The following SEC31A variants were observed in gnomAD, a reference collection of about 807,000 sequenced individuals.
SEC31A encodes the protein SEC31 homolog A, COPII component.
SEC31A carries 70 observed loss-of-function variants against 151.0 expected under a neutral mutation model. The observed-to-expected ratio is 0.46, with a 90% CI of 0.38 to 0.57. The LOEUF (loss-of-function observed/expected upper bound fraction) is 0.57. Ranked by LOEUF, SEC31A falls within the 20% of genes least tolerant of loss-of-function variation. The pLI is 0.00. For synonymous variants in SEC31A, 475 were observed against 505.9 expected, an observed-to-expected ratio of 0.94 and a Z score of 0.82; for missense variants, 1,330 against 1,471.2, an observed-to-expected ratio of 0.90 and a Z score of 1.57.
At chr4:82,889,546 C>A (rs78766010) in intron 1 of SEC31A, among the ~76,000 whole-genome samples, 856 of 129,510 alleles carry the variant, frequency 6.6e-3, no homozygotes, top group Middle Eastern at 0.015. Context: ...GACCCTGTCT[C>A]AAAAAAAAAA....
At chr4:82,860,996 G>A (rs1372127628) in intron 14 of SEC31A, among the ~76,000 whole-genome samples, 1 of 151,242 alleles carries the variant, frequency 6.6e-6, no homozygotes, top group Non-Finnish European at 1.5e-5. Flanking sequence ...AGAAGAACTT[G>A]TTGATTAATT....
intron 22 of SEC31A, chr4:82,829,311 A>C: frequency 2.7e-6 from 1 of 372,528 alleles, no homozygotes; most frequent in Non-Finnish European, 4.9e-6. Flanking sequence ...AGAGTGTGCT[A>C]AATTTAGGGT....
At chr4:82,895,784 A>G (rs1720039264), upstream of SEC31A, 1 of 152,254 alleles carries the variant, frequency 6.6e-6, no homozygotes, top group African/African-American at 2.4e-5. Flanking sequence ...CCTAAAACGA[A>G]AAACATTCAA....
chr4:82,892,866 T>C (rs1719892297), upstream of SEC31A: 1 of 152,218 alleles, frequency 6.6e-6, no homozygotes, highest in Admixed American at 6.5e-5. Context: ...TGGTCACTGG[T>C]ATTTATGCAT....
In SEC31A at chr4:82,848,843, G is replaced by T. The variant is rs751137305; in HGVS notation, c.2463C>A (p.His821Gln). The T allele has an allele frequency of 1.9e-6, 3 of 1,613,842 alleles. No individual in the cohort carries two copies. Among genetic ancestry groups the T allele is most frequent in the Non-Finnish European group, 2.5e-6 (3 of 1,179,956 alleles). ...GTTGAGTTTGAACTCTTGGCATCTG[G>T]TGGTGGCCAGCAACTGGTCCAGGCC... is the stretch of plus-strand genomic sequence containing the variant. ...KGRPGPVAGH[H>Q]QMPRVQTQQY... The change falls in exon 20 of 27, where the codon CAC becomes CAA. Residue 821 changes from histidine to glutamine, a missense_variant. Physicochemically the swap from His to Gln is conservative, Grantham distance 24 (BLOSUM62 0). Transcript: ENST00000395310.
Position 82,867,181 on chromosome 4 carries a change from C to A in SEC31A, c.1018G>T (p.Gly340Cys). Residue 340 changes from glycine to cysteine, a missense_variant, in exon 9 of 27, where the codon GGT becomes TGT. Coordinates refer to ENST00000395310, the MANE Select transcript of SEC31A (RefSeq NM_001077207.4). ...VYSIMGGSTDGLRQKQVDKLS... is the reference protein window; with the variant it reads ...VYSIMGGSTDCLRQKQVDKLS... ...TTGTCAACTTGTTTCTGTCTTAAAC[C>A]ATCTGTGCTACCTCCCATGATAGAA... 6.2e-7 allele frequency: 1 copy of A among 1,613,852 alleles called. No individual in the cohort carries two copies. The highest frequency in any genetic ancestry group is 8.5e-7 in the Non-Finnish European group (1 of 1,179,796).
chr4:82,828,865 T>C, intron 23 of SEC31A, 135 bp downstream of exon 23: 1 of 598,960 alleles, frequency 1.7e-6, no homozygotes, highest in South Asian at 2.7e-5. Context: ...AGAAGGTGCA[T>C]GTTGAAATAC....
At chr4:82,833,575 T>C (rs952460558) in intron 22 of SEC31A, among the ~76,000 whole-genome samples, 1 of 149,190 alleles carries the variant, frequency 6.7e-6, no homozygotes, top group Non-Finnish European at 1.5e-5. Flanking sequence ...TGAGCACAAG[T>C]CACCCAGAAA....
chr4:82,863,541 G>T (rs1239820187), intron 11 of SEC31A, 149 bp from the exon 12 acceptor site: 4 of 503,768 alleles, frequency 7.9e-6, no homozygotes, highest in Non-Finnish European at 1.3e-5. Flanking sequence ...CCAAAGAATA[G>T]TGGGTTTTTT....
chr4:82,834,693 C>A (rs998370464), intron 22 of SEC31A, among the ~76,000 whole-genome samples: 3 of 152,062 alleles, frequency 2.0e-5, no homozygotes, highest in Non-Finnish European at 4.4e-5. Context: ...ATATATCAAG[C>A]CATGTGTTTT....
chr4:82,847,230 G>A (rs568734794), intron 20 of SEC31A, among the ~76,000 whole-genome samples: 6 of 152,108 alleles, frequency 3.9e-5, no homozygotes, highest in Admixed American at 3.9e-4. Flanking sequence ...GCAAAGCTGC[G>A]CTGGTCAAAG....
At chr4:82,867,106 C>A (rs747270255) in intron 9 of SEC31A, 49 bp downstream of exon 9, 2 of 1,566,844 alleles carry the variant, frequency 1.3e-6, no homozygotes, top group Non-Finnish European at 1.8e-6. Flanking sequence ...TTACACAACA[C>A]ATACTTTTTT....
At chr4:82,860,205 T>C (rs1170518101) in intron 14 of SEC31A, among the ~76,000 whole-genome samples, 1 of 152,194 alleles carries the variant, frequency 6.6e-6, no homozygotes, top group Non-Finnish European at 1.5e-5. Context: ...ATTTATTAGG[T>C]ATTGAGTGCC....
upstream of SEC31A, chr4:82,895,113 T>G (rs1176766062): frequency 6.6e-6 from 1 of 152,212 alleles, no homozygotes; most frequent in Non-Finnish European, 1.5e-5. Context: ...CCTTGGCATA[T>G]CTAACAGTCA....
intron 22 of SEC31A, 138 bp downstream of exon 22, chr4:82,842,002 A>G (rs1729017844): frequency 2.8e-6 from 2 of 716,504 alleles, no homozygotes; most frequent in South Asian, 2.9e-5. Flanking sequence ...CAAAAAACAC[A>G]AAAAACAAAC....
intron 17 of SEC31A, 57 bp from the exon 18 acceptor site, chr4:82,853,772 C>A: frequency 7.5e-7 from 1 of 1,340,244 alleles, no homozygotes; most frequent in South Asian, 1.4e-5. Flanking sequence ...GTATATGAGG[C>A]TGTGAGCAGC....
chr4:82,898,302 C>CA (rs1195710676), intron 3 of SEC31A, among the ~76,000 whole-genome samples: 3 of 151,322 alleles, frequency 2.0e-5, no homozygotes, highest in Non-Finnish European at 4.4e-5. Flanking sequence ...ATCACAACAA[C>CA]AAAAAAAGTA....
upstream of SEC31A, chr4:82,894,699 AAGCATCAATTAGT>A (rs1444695075): frequency 1.3e-5 from 2 of 152,178 alleles, no homozygotes; most frequent in African/African-American, 2.4e-5. Context: ...ACTTTTCATA[AAGCATCAATTAGT>A]TCACCATTCT....
intron 1 of SEC31A, among the ~76,000 whole-genome samples, chr4:82,886,453 CA>C (rs1740732291): frequency 6.6e-6 from 1 of 151,820 alleles, no homozygotes; most frequent in Admixed American, 6.6e-5. Context: ...AATAGGGAGC[CA>C]AAAAAAGTGC....
Sources: allele counts gnomAD v4.1 joint callset (sites outside exome capture counted in the v4.1 genomes callset), GRCh38; gene constraint gnomAD v4.1.1; transcripts MANE v1.5; gene names NCBI Gene and HGNC (gene_info 2026-07-23, HGNC 2026-07-21).